Variants in KSR2 observed in about 807,000 individuals in gnomAD.
KSR2 encodes kinase suppressor of ras 2.
In KSR2, 25 loss-of-function variants were observed where a neutral mutation model predicts 107.8. The observed-to-expected ratio is 0.23, with a 90% CI of 0.17 to 0.32. The LOEUF (loss-of-function observed/expected upper bound fraction) is 0.32. Ranked by LOEUF, KSR2 falls within the 10% of genes least tolerant of loss-of-function variation. The pLI, the probability that KSR2 is intolerant of heterozygous loss-of-function variation, is 1.00. For missense variants in KSR2, 887 were observed against 1,268.9 expected, an observed-to-expected ratio of 0.70 and a Z score of 4.57; for synonymous variants, 480 against 507.0, an observed-to-expected ratio of 0.95 and a Z score of 0.71.
intron 3 of KSR2, among the ~76,000 whole-genome samples, chr12:117,822,154 G>T (rs1173632151): frequency 2.6e-5 from 4 of 152,168 alleles, no homozygotes; most frequent in Non-Finnish European, 2.9e-5. Context: ...AAAAAGGGGA[G>T]GCATGAATAA....
At chr12:117,685,505 T>G (rs1483201226) in intron 4 of KSR2, among the ~76,000 whole-genome samples, 1 of 152,158 alleles carries the variant, frequency 6.6e-6, no homozygotes, top group Non-Finnish European at 1.5e-5. Context: ...TCCCCGGGGC[T>G]GATGGTGTGG....
chr12:117,758,300 C>T (rs1224172267), intron 4 of KSR2, among the ~76,000 whole-genome samples: 1 of 152,134 alleles, frequency 6.6e-6, no homozygotes, highest in Admixed American at 6.5e-5. Flanking sequence ...TCACCTCTAC[C>T]CATGACCCCC....
intron 5 of KSR2, among the ~76,000 whole-genome samples, chr12:117,625,452 T>G (rs1172315056): frequency 1.3e-5 from 2 of 152,192 alleles, no homozygotes; most frequent in African/African-American, 4.8e-5. Context: ...CTACATCTAT[T>G]GAGATAATCA....
chr12:117,690,286 G>C (rs746422461), intron 4 of KSR2, among the ~76,000 whole-genome samples: 1 of 152,186 alleles, frequency 6.6e-6, no homozygotes, highest in Non-Finnish European at 1.5e-5. Flanking sequence ...GAAAAAGGCC[G>C]GGCACGGTGG....
At chr12:117,836,819 T>C (rs919850030) in intron 3 of KSR2, among the ~76,000 whole-genome samples, 3 of 152,214 alleles carry the variant, frequency 2.0e-5, no homozygotes, top group African/African-American at 7.2e-5. Flanking sequence ...AGCCATTCTT[T>C]AGACAGCCTC....
At chr12:117,678,063 T>C (rs1427468885) in intron 4 of KSR2, among the ~76,000 whole-genome samples, 1 of 151,624 alleles carries the variant, frequency 6.6e-6, no homozygotes, top group Admixed American at 6.6e-5. Context: ...GCCTCCCAAA[T>C]AGCTGGGATT....
chr12:117,631,135 A>C (rs1882787556), intron 5 of KSR2, among the ~76,000 whole-genome samples: 1 of 152,114 alleles, frequency 6.6e-6, no homozygotes, highest in Non-Finnish European at 1.5e-5. Flanking sequence ...CTGTCTCTAC[A>C]AGAAAACTTT....
chr12:117,806,898 A>T (rs1891028691), intron 3 of KSR2, among the ~76,000 whole-genome samples: 1 of 152,146 alleles, frequency 6.6e-6, no homozygotes, highest in South Asian at 2.1e-4. Context: ...TCGAAACTCC[A>T]ATTCACCTGC....
At chr12:117,670,543 T>C (rs1195843101) in intron 4 of KSR2, among the ~76,000 whole-genome samples, 1 of 152,146 alleles carries the variant, frequency 6.6e-6, no homozygotes, top group African/African-American at 2.4e-5. Context: ...CCGAGGCCAC[T>C]ATCCTGAGAA....
intron 4 of KSR2, among the ~76,000 whole-genome samples, chr12:117,729,687 C>CCATCCAT (rs1484349992): frequency 2.0e-5 from 3 of 151,856 alleles, no homozygotes; most frequent in African/African-American, 7.2e-5. Context: ...CATCCATCCA[C>CCATCCAT]CCATCCACCC....
In KSR2 at chr12:117,555,301, G is replaced by C. The variant is rs777265184; in HGVS notation, c.1394-8C>G. On this transcript the variant is annotated splice_polypyrimidine_tract_variant and splice_region_variant and intron_variant, in intron 8 of 19. Coordinates refer to ENST00000339824, the MANE Select transcript of KSR2 (RefSeq NM_173598.6). ...GGACTAACCTTGCTGGATCCGTAGG[G>C]GTAAAAACATTGATTTGGGAGTTTA... 1 of 1,613,666 alleles carries C rather than the reference G, an allele frequency of 6.2e-7. No homozygotes were observed.
chr12:117,846,994 G>A (rs891967886), intron 3 of KSR2, among the ~76,000 whole-genome samples: 5 of 152,240 alleles, frequency 3.3e-5, no homozygotes, highest in African/African-American at 9.6e-5. Flanking sequence ...GCCTAAGCGC[G>A]TTCGCATCAG....
chr12:117,750,724 G>A (rs1178872966), intron 4 of KSR2, among the ~76,000 whole-genome samples: 1 of 151,484 alleles, frequency 6.6e-6, no homozygotes, highest in Non-Finnish European at 1.5e-5. Context: ...GTACACAAAT[G>A]TGTAGCTCCC....
intron 1 of KSR2, among the ~76,000 whole-genome samples, chr12:117,945,150 C>T (rs1480831005): frequency 1.3e-5 from 2 of 152,024 alleles, no homozygotes; most frequent in African/African-American, 4.8e-5. Flanking sequence ...TCTCTGTAAT[C>T]AATAAGACAA....
At chr12:117,577,411 T>C (rs564468327) in intron 7 of KSR2, among the ~76,000 whole-genome samples, 202 of 152,176 alleles carry the variant, frequency 1.3e-3, no homozygotes, top group African/African-American at 4.4e-3. Context: ...TGCAATTTCT[T>C]ACAAAGGACT....
chr12:117,625,747 T>C (rs1383410773), intron 5 of KSR2, among the ~76,000 whole-genome samples: 1 of 152,246 alleles, frequency 6.6e-6, no homozygotes, highest in Non-Finnish European at 1.5e-5. Context: ...TCCCTCTTTT[T>C]CTATTGATTG....
At chr12:117,726,927 G>A (rs1304860882) in intron 4 of KSR2, among the ~76,000 whole-genome samples, 1 of 152,170 alleles carries the variant, frequency 6.6e-6, no homozygotes, top group African/African-American at 2.4e-5. Flanking sequence ...CAGATGTATA[G>A]TGGGTTGAAA....
chr12:117,469,838 T>C, intron 18 of KSR2, 43 bp from the exon 19 acceptor site: 1 of 1,604,996 alleles, frequency 6.2e-7, no homozygotes, highest in South Asian at 1.1e-5. Context: ...AAATGGTGAT[T>C]TCTTGATTAC....
Position 117,935,432 on chromosome 12 carries a change from C to A in KSR2, c.180+32644G>T, listed in dbSNP as rs183926983. On this transcript the variant is annotated intron_variant, in intron 1 of 19. Coordinates refer to ENST00000339824, the MANE Select transcript of KSR2 (RefSeq NM_173598.6). The stretch of plus-strand genomic sequence containing the variant: ...TCTGCTCAAAACCCTCCAATGTGTT[C>A]ATTTCATGGGGTAAAATGTTTACAC... 2.6e-4 allele frequency among the ~76,000 whole-genome samples: 39 copies of A among 152,244 alleles called. 1 individual carries two copies. Among genetic ancestry groups the A allele is most frequent in the Admixed American group, 2.2e-3 (34 of 15,280 alleles).
Sources: gnomAD v4.1 joint callset for allele counts (sites outside exome capture counted in the v4.1 genomes callset) on GRCh38, gnomAD v4.1.1 for gene constraint, MANE v1.5 for transcripts, NCBI Gene and HGNC (gene_info 2026-07-23, HGNC 2026-07-21) for gene names.